ADARB2: variants seen among roughly 807,000 people sequenced by gnomAD.
ADARB2 encodes the protein inactive double-stranded RNA-specific editase B2.
ADARB2 carries 25 observed loss-of-function variants against 62.2 expected under a neutral mutation model. That is an observed-to-expected ratio of 0.40 (90% CI 0.29 to 0.56). ADARB2 has a LOEUF of 0.56. Ranked by LOEUF, ADARB2 falls within the 20% of genes least tolerant of loss-of-function variation. ADARB2 has a pLI of 0.43. For missense variants in ADARB2, 1,071 were observed against 1,077.4 expected (o/e 0.99, Z 0.08); for synonymous variants, 572 against 500.8 (o/e 1.14, Z -1.90).
intron 1 of ADARB2, among the ~76,000 whole-genome samples, chr10:1,623,568 G>A (rs1187635301): frequency 2.6e-5 from 4 of 152,160 alleles, no homozygotes; most frequent in African/African-American, 9.7e-5. Context: ...GCCTCTGGCC[G>A]CCTTCCCAGG....
At chr10:1,264,398 G>A (rs1831174399) in intron 4 of ADARB2, among the ~76,000 whole-genome samples, 1 of 152,158 alleles carries the variant, frequency 6.6e-6, no homozygotes, top group Non-Finnish European at 1.5e-5. Context: ...GCTTCTCTTA[G>A]GTCCTTGTGA....
chr10:1,361,350 C>T (rs987205667), intron 3 of ADARB2: 2 of 152,176 alleles, frequency 1.3e-5, no homozygotes, highest in African/African-American at 4.8e-5. Context: ...GCCCCAGCGC[C>T]CTTGTGAGGA....
At chr10:1,515,763 T>C (rs1488201213) in intron 1 of ADARB2, among the ~76,000 whole-genome samples, 1 of 152,192 alleles carries the variant, frequency 6.6e-6, no homozygotes, top group Admixed American at 6.5e-5. Flanking sequence ...GCCCGGAAGG[T>C]GCAGGAAGCG....
rs1830637248 is a variant in ADARB2 at position 1,217,204 on chromosome 10, G to C, written c.1514-85C>G. On this transcript the variant is annotated intron_variant, in intron 6 of 9. Coordinates refer to ENST00000381312, the MANE Select transcript of ADARB2 (RefSeq NM_018702.4). ...TGGGAGAAGAGGAAGGACTGCAACA[G>C]AGGTCAAAGGGCCCCTCACCATGGC... 3.1e-6 allele frequency: 4 copies of C among 1,308,466 alleles called. No individual in the cohort carries two copies. In the Admixed American group the frequency reaches 7.8e-5, roughly 25 times the overall value. 81.1% of individuals were successfully genotyped at this position (1,308,466 alleles called of 1,614,324 possible).
intron 1 of ADARB2, among the ~76,000 whole-genome samples, chr10:1,538,835 C>G (rs754562824): frequency 1.3e-5 from 2 of 152,202 alleles, no homozygotes; most frequent in Non-Finnish European, 2.9e-5. Context: ...CTGCCGCATG[C>G]AGTGGACACT....
At chr10:1,502,230 G>A (rs60264488) in intron 1 of ADARB2, among the ~76,000 whole-genome samples, 53 of 152,324 alleles carry the variant, frequency 3.5e-4, no homozygotes, top group African/African-American at 1.1e-3. Flanking sequence ...TGCCCCCAGC[G>A]GGGCTCTGTG....
chr10:1,657,595 C>A (rs1834187525), intron 1 of ADARB2, among the ~76,000 whole-genome samples: 1 of 152,178 alleles, frequency 6.6e-6, no homozygotes, highest in South Asian at 2.1e-4. Flanking sequence ...TCGAGGCCTC[C>A]AACAGAAGGC....
At chr10:1,633,562 A>ATCTC (rs1833873646) in intron 1 of ADARB2, among the ~76,000 whole-genome samples, 1 of 141,082 alleles carries the variant, frequency 7.1e-6, no homozygotes, top group Non-Finnish European at 1.5e-5. Context: ...CTATCTATCT[A>ATCTC]TCTATCTATC....
intron 1 of ADARB2, among the ~76,000 whole-genome samples, chr10:1,427,153 C>A (rs1363449504): frequency 6.6e-6 from 1 of 152,312 alleles, no homozygotes; most frequent in South Asian, 2.1e-4. Context: ...GGACAGGTCA[C>A]CTTTTTAGAA....
intron 3 of ADARB2, among the ~76,000 whole-genome samples, chr10:1,275,288 C>T (rs1318797257): frequency 1.3e-5 from 2 of 152,168 alleles, no homozygotes; most frequent in Non-Finnish European, 2.9e-5. Context: ...CTTGAACTGA[C>T]AGAGCAGAAT....
chr10:1,689,081 T>C (rs950519495), intron 1 of ADARB2, among the ~76,000 whole-genome samples: 2 of 152,030 alleles, frequency 1.3e-5, no homozygotes, highest in African/African-American at 4.8e-5. Flanking sequence ...TTAGAGAAAG[T>C]AGGAAAATAT....
At chr10:1,204,952 T>C (rs1239574138) in intron 7 of ADARB2, among the ~76,000 whole-genome samples, 1 of 152,224 alleles carries the variant, frequency 6.6e-6, no homozygotes, top group Non-Finnish European at 1.5e-5. Flanking sequence ...AACGTGACTG[T>C]GACATCCACA....
intron 3 of ADARB2, among the ~76,000 whole-genome samples, chr10:1,347,407 A>G (rs761489846): frequency 1.1e-4 from 17 of 152,292 alleles, no homozygotes; most frequent in Middle Eastern, 3.4e-3. Flanking sequence ...TGCTTTTGGT[A>G]TCATCTCATT....
chr10:1,199,512 A>AGGGCCCG (rs1448300633), intron 8 of ADARB2: 3 of 157,102 alleles, frequency 1.9e-5, no homozygotes, highest in Non-Finnish European at 4.2e-5. Flanking sequence ...GAGGGTGTGG[A>AGGGCCCG]GGGCCCGGGG....
intron 1 of ADARB2, among the ~76,000 whole-genome samples, chr10:1,434,595 C>T (rs1451322712): frequency 6.6e-6 from 1 of 152,088 alleles, no homozygotes. Context: ...TAACAGGACC[C>T]ATTTAGAATT....
At chr10:1,196,893 C>T (rs543532873) in intron 8 of ADARB2, among the ~76,000 whole-genome samples, 34 of 152,306 alleles carry the variant, frequency 2.2e-4, no homozygotes, top group African/African-American at 7.9e-4. Context: ...TGAGCCACCA[C>T]GCTTAGCTAA....
At position 1,205,963 on chromosome 10, in the gene ADARB2, C is replaced by T. The variant is rs552218630; in HGVS notation, c.1683-5816G>A. ...GGTCAGGTGGGGTCACGGGGCAGCC[C>T]GTTGGGGTCAGGTGGGTGTCACGGG... is the stretch of plus-strand genomic sequence containing the variant. On this transcript the variant is annotated intron_variant, in intron 7 of 9. Transcript: ENST00000381312. Among the ~76,000 whole-genome samples the T allele has an allele frequency of 3.0e-3, 436 of 145,828 alleles. 4 individuals carry two copies. Among genetic ancestry groups the T allele is most frequent in the African/African-American group, 0.011 (413 of 38,696 alleles).
intron 1 of ADARB2, among the ~76,000 whole-genome samples, chr10:1,656,530 G>A (rs1834174247): frequency 6.9e-6 from 1 of 145,364 alleles, no homozygotes; most frequent in South Asian, 2.1e-4. Context: ...GAGAGAAAAA[G>A]GGAGAGAGAG....
chr10:1,409,450 G>C (rs1288340251), intron 1 of ADARB2, among the ~76,000 whole-genome samples: 2 of 152,146 alleles, frequency 1.3e-5, no homozygotes, highest in African/African-American at 4.8e-5. Context: ...GCTGAGGCCT[G>C]GTCGTGGTCA....
Sources: gnomAD v4.1 joint callset for allele counts (sites outside exome capture counted in the v4.1 genomes callset) on GRCh38, gnomAD v4.1.1 for gene constraint, MANE v1.5 for transcripts, NCBI Gene and HGNC (gene_info 2026-07-23, HGNC 2026-07-21) for gene names.